The following EPHA6 variants were observed in gnomAD, a reference collection of about 807,000 sequenced individuals.
EPHA6 encodes ephrin type-A receptor 6.
EPHA6 carries 50 observed loss-of-function variants against 112.0 expected under a neutral mutation model. The observed-to-expected ratio is 0.45, with a 90% CI of 0.36 to 0.56. The LOEUF (loss-of-function observed/expected upper bound fraction) is 0.56, where lower values mean the gene tolerates loss of function less well. Ranked by LOEUF, EPHA6 falls within the 20% of genes least tolerant of loss-of-function variation. The pLI, the probability that EPHA6 is intolerant of heterozygous loss-of-function variation, is 0.00. For synonymous variants in EPHA6, 529 were observed against 490.7 expected, an observed-to-expected ratio of 1.08 and a Z score of -1.03; for missense variants, 1,280 against 1,417.4, an observed-to-expected ratio of 0.90 and a Z score of 1.56.
At chr3:97,358,089 T>C (rs538215639) in intron 5 of EPHA6, among the ~76,000 whole-genome samples, 1 of 152,288 alleles carries the variant, frequency 6.6e-6, no homozygotes, top group Admixed American at 6.5e-5. Flanking sequence ...CCCGTGTTTT[T>C]CAAGGGTCAA....
At chr3:97,118,927 T>C (rs561141016) in intron 3 of EPHA6, among the ~76,000 whole-genome samples, 10 of 152,120 alleles carry the variant, frequency 6.6e-5, no homozygotes, top group Admixed American at 5.3e-4. Context: ...TAGATTCTAC[T>C]AAGTAATATG....
chr3:97,250,661 T>C (rs1372051586), intron 5 of EPHA6, among the ~76,000 whole-genome samples: 2 of 152,174 alleles, frequency 1.3e-5, no homozygotes, highest in Non-Finnish European at 2.9e-5. Flanking sequence ...AGCTATCATA[T>C]GATATAAGGC....
intron 13 of EPHA6, among the ~76,000 whole-genome samples, chr3:97,619,606 ATT>A (rs1490739647): frequency 6.6e-6 from 1 of 152,088 alleles, no homozygotes; most frequent in Non-Finnish European, 1.5e-5. Flanking sequence ...CATTACGAGC[ATT>A]CCTATACACC....
chr3:97,719,318 A>C (rs574010503), intron 14 of EPHA6, among the ~76,000 whole-genome samples: 29 of 151,886 alleles, frequency 1.9e-4, no homozygotes, highest in African/African-American at 6.5e-4. Flanking sequence ...GTCAAAAATA[A>C]TTTTTGTTAT....
chr3:97,147,559 T>C (rs2076072952), intron 3 of EPHA6, among the ~76,000 whole-genome samples: 1 of 152,118 alleles, frequency 6.6e-6, no homozygotes, highest in Non-Finnish European at 1.5e-5. Flanking sequence ...TTGTATTAAG[T>C]CTTTCTGGAA....
intron 10 of EPHA6, among the ~76,000 whole-genome samples, chr3:97,486,452 G>A (rs76787950): frequency 6.6e-6 from 1 of 152,136 alleles, no homozygotes; most frequent in African/African-American, 2.4e-5. Context: ...CCTCACATGG[G>A]GTAGTTTATA....
intron 8 of EPHA6, among the ~76,000 whole-genome samples, chr3:97,476,654 A>G (rs1303473917): frequency 6.6e-6 from 1 of 152,118 alleles, no homozygotes; most frequent in African/African-American, 2.4e-5. Context: ...GCATGTATCA[A>G]ATGTGGGTCC....
chr3:96,968,903 T>G (rs2042221537), intron 2 of EPHA6, among the ~76,000 whole-genome samples: 1 of 151,928 alleles, frequency 6.6e-6, no homozygotes, highest in Admixed American at 6.6e-5. Flanking sequence ...TTTATTATGC[T>G]GTCTTTGGCA....
In EPHA6 at chr3:96,866,812, T is replaced by G. The variant is rs2107455129; in HGVS notation, c.386-13T>G. On this transcript the variant is annotated splice_polypyrimidine_tract_variant and intron_variant, in intron 1 of 17. Transcript: ENST00000389672. ...AGAAATTCATGGAATTTTTATTTTCTATTTAATTCCAGTTGTGTTGCTTGA... is the reference window on the plus strand; with the variant it reads ...AGAAATTCATGGAATTTTTATTTTCGATTTAATTCCAGTTGTGTTGCTTGA... The G allele has an allele frequency of 7.0e-7, 1 of 1,422,952 alleles. No individual in the cohort carries two copies. Among genetic ancestry groups the G allele is most frequent in the Admixed American group, 2.9e-5 (1 of 34,640 alleles). The allele number at this position is 1,422,952 out of a possible 1,614,324, so 88.1% of individuals were successfully genotyped here.
At chr3:97,656,759 G>C (rs1012507603) in intron 14 of EPHA6, among the ~76,000 whole-genome samples, 4 of 151,774 alleles carry the variant, frequency 2.6e-5, no homozygotes, top group Admixed American at 2.6e-4. Context: ...TCTCCCTTGG[G>C]CCTCTCTGTC....
chr3:97,369,922 A>T lies in EPHA6; in HGVS notation c.1607-35228A>T, dbSNP rs115106449. Reference sequence around the variant, plus strand: ...AAGTTTTCAATCTTTTATTCTTTCCATAAAGATGGTAGCTTTTAAAAAGCA... The same window carrying T: ...AAGTTTTCAATCTTTTATTCTTTCCTTAAAGATGGTAGCTTTTAAAAAGCA... On this transcript the variant is annotated intron_variant, in intron 5 of 17. Transcript: ENST00000389672. Among the ~76,000 whole-genome samples the T allele has an allele frequency of 8.2e-3, 1,250 of 152,312 alleles. 14 individuals carry two copies. The highest frequency in any genetic ancestry group is 0.027 in the African/African-American group (1,111 of 41,568).
rs938076488 is a variant in EPHA6, at chr3:97,649,814, C to T, written c.2784+11732C>T. Among the ~76,000 whole-genome samples, 4 of 151,540 alleles carry T rather than the reference C, an allele frequency of 2.6e-5. No individual in the cohort carries two copies. In the East Asian group the frequency reaches 7.8e-4, roughly 29 times the overall value. ...CACAACAATAGTTCTATGATAGATG[C>T]TATGCTAGTAGTCAATCAAAACCAG... On this transcript the variant is annotated intron_variant, in intron 14 of 17. Transcript: ENST00000389672.
intron 14 of EPHA6, among the ~76,000 whole-genome samples, chr3:97,715,343 T>C (rs1333717117): frequency 6.6e-6 from 1 of 152,238 alleles, no homozygotes; most frequent in East Asian, 1.9e-4. Flanking sequence ...GGTCACACAG[T>C]GAACTATAGT....
intron 5 of EPHA6, among the ~76,000 whole-genome samples, chr3:97,310,643 G>A (rs1258151116): frequency 6.6e-6 from 1 of 151,564 alleles, no homozygotes; most frequent in Non-Finnish European, 1.5e-5. Context: ...GAGAGAAAGA[G>A]CATTGACATA....
Position 97,348,586 on chromosome 3 carries a change from A to G in EPHA6, c.1607-56564A>G, listed in dbSNP as rs1033278848. The stretch of plus-strand genomic sequence containing the variant: ...TATCATATTGAAAAAGCATTTCTTA[A>G]GCAACTAATTATGCATAACTAGGCT... On this transcript the variant is annotated intron_variant, in intron 5 of 17. Transcript: ENST00000389672. Among the ~76,000 whole-genome samples, 42 of 152,242 alleles carry G rather than the reference A, an allele frequency of 2.8e-4. 1 individual carries two copies. The highest frequency in any genetic ancestry group is 3.2e-4 in the Non-Finnish European group (22 of 67,968).
At chr3:96,841,243 T>A (rs76014600) in intron 1 of EPHA6, among the ~76,000 whole-genome samples, 2,026 of 152,218 alleles carry the variant, frequency 0.013, 45 homozygotes, top group African/African-American at 0.044. Context: ...TTTAAGTTTC[T>A]GATTAACCTT....
chr3:97,250,560 T>A (rs2079106058), intron 5 of EPHA6, among the ~76,000 whole-genome samples: 1 of 152,222 alleles, frequency 6.6e-6, no homozygotes, highest in Admixed American at 6.5e-5. Flanking sequence ...TTTAGTAAAA[T>A]GCTTTAAATC....
At chr3:97,375,536 A>G (rs966807223) in intron 5 of EPHA6, among the ~76,000 whole-genome samples, 2 of 152,100 alleles carry the variant, frequency 1.3e-5, no homozygotes, top group Non-Finnish European at 2.9e-5. Context: ...AAATTAATCA[A>G]TTTTTTTCTA....
In EPHA6 at chr3:97,748,655, T is replaced by C. The variant is rs754066406; in HGVS notation, c.3347T>C (p.Leu1116Ser). 2.5e-6 allele frequency: 4 copies of C among 1,612,412 alleles called. No homozygotes were observed. Among genetic ancestry groups the C allele is most frequent in the Non-Finnish European group, 1.7e-6 (2 of 1,178,668 alleles). Residue 1116 changes from leucine (L) to serine (S), a missense_variant, in exon 18 of 18, where the codon TTA becomes TCA. By Grantham distance (145) the Leu-to-Ser change is moderately radical (BLOSUM62 -2). This residue lies in a region of EPHA6 where 145 missense variants were observed against 153.3 expected (regional missense o/e 0.95). Coordinates refer to ENST00000389672, the MANE Select transcript of EPHA6 (RefSeq NM_001080448.3). ...CGAATAGTCAGCAGCATACAGACTT[T>C]ACGTTTACACATGATGCACATACAG... ...QRRIVSSIQT[L>S]RLHMMHIQEK... is the part of the protein sequence containing the mutation.
Sources: allele counts gnomAD v4.1 joint callset (sites outside exome capture counted in the v4.1 genomes callset), GRCh38; gene constraint gnomAD v4.1.1; regional missense constraint gnomAD v4.1.1; transcripts MANE v1.5; gene names NCBI Gene and HGNC (gene_info 2026-07-23, HGNC 2026-07-21).